Variants in EYS observed in about 807,000 individuals in gnomAD.
EYS encodes EGF-like photoreceptor maintenance factor, also known as protein eyes shut homolog.
EYS carries 250 observed loss-of-function variants against 282.1 expected under a neutral mutation model. The ratio of observed to expected loss-of-function variants is 0.89; its 90% confidence interval spans 0.80 to 0.98. The LOEUF is 0.98. Ranked by LOEUF, EYS falls within the 50% of genes least tolerant of loss-of-function variation. The probability of loss-of-function intolerance (pLI) is 0.00; values close to 1 mark genes in which losing one functional copy is unlikely to be tolerated. For synonymous variants in EYS, 1,355 were observed against 1,282.9 expected, an observed-to-expected ratio of 1.06 and a Z score of -1.20; for missense variants, 4,016 against 3,709.0, an observed-to-expected ratio of 1.08 and a Z score of -2.15.
rs201824481 is a variant in EYS at position 64,536,459 on chromosome 6, A to G, written c.5644+53764T>C. The stretch of plus-strand genomic sequence containing the variant: ...GGTACTCTCTATTACATGGTTTAAC[A>G]TTGAACCTCAACTTGAGTTGAGTCA... On this transcript the variant is annotated intron_variant, in intron 26 of 42. Coordinates refer to ENST00000503581, the MANE Select transcript of EYS (RefSeq NM_001142800.2). Among the ~76,000 whole-genome samples, 4 of 152,200 alleles carry G rather than the reference A, an allele frequency of 2.6e-5. No individual in the cohort carries two copies. The East Asian group carries it at 7.7e-4, about 29-fold the overall frequency.
At chr6:64,249,914 T>C (rs1451797705) in intron 30 of EYS, among the ~76,000 whole-genome samples, 11 of 152,140 alleles carry the variant, frequency 7.2e-5, no homozygotes, top group Admixed American at 7.2e-4. Flanking sequence ...CCAATAAAAG[T>C]CAGCCTCTCA....
intron 29 of EYS, among the ~76,000 whole-genome samples, chr6:64,339,363 C>A (rs182604378): frequency 6.6e-6 from 1 of 151,744 alleles, no homozygotes; most frequent in African/African-American, 2.4e-5. Flanking sequence ...AAATGGCCAA[C>A]AAACATGAAA....
At chr6:65,026,221 C>A (rs1772403502) in intron 13 of EYS, among the ~76,000 whole-genome samples, 1 of 151,954 alleles carries the variant, frequency 6.6e-6, no homozygotes, top group African/African-American at 2.4e-5. Context: ...ATAAATGAAA[C>A]AGGGTTATTA....
intron 13 of EYS, among the ~76,000 whole-genome samples, chr6:65,018,324 T>C (rs1772123317): frequency 6.6e-6 from 1 of 152,192 alleles, no homozygotes; most frequent in Admixed American, 6.5e-5. Context: ...ATGTCTCTCC[T>C]CTAGCTTCCT....
At chr6:63,781,955 A>G (rs1770240549) in intron 39 of EYS, among the ~76,000 whole-genome samples, 4 of 152,212 alleles carry the variant, frequency 2.6e-5, no homozygotes, top group Admixed American at 1.3e-4. Context: ...AGTTTTTATC[A>G]TGAAGAGCTG....
chr6:64,655,536 A>G (rs545518790), intron 22 of EYS, among the ~76,000 whole-genome samples: 1 of 152,124 alleles, frequency 6.6e-6, no homozygotes, highest in South Asian at 2.1e-4. Flanking sequence ...TTAGAAAAAA[A>G]GGGAAACAGA....
At chr6:63,997,969 A>G (rs1029537846) in intron 34 of EYS, among the ~76,000 whole-genome samples, 1 of 152,114 alleles carries the variant, frequency 6.6e-6, no homozygotes, top group Non-Finnish European at 1.5e-5. Flanking sequence ...TGAATATTCC[A>G]TGTCTTAAAT....
At chr6:63,778,495 A>G (rs762574642) in intron 39 of EYS, among the ~76,000 whole-genome samples, 12 of 152,178 alleles carry the variant, frequency 7.9e-5, no homozygotes, top group Non-Finnish European at 1.6e-4. Flanking sequence ...ATATTATACC[A>G]AAAAGTTGAA....
chr6:64,178,728 C>G (rs907345058), intron 31 of EYS, among the ~76,000 whole-genome samples: 1 of 151,898 alleles, frequency 6.6e-6, no homozygotes, highest in Non-Finnish European at 1.5e-5. Flanking sequence ...GCACTTTAAA[C>G]GCAGTGAAAT....
At chr6:64,548,888 T>G (rs909308593) in intron 26 of EYS, among the ~76,000 whole-genome samples, 5 of 152,082 alleles carry the variant, frequency 3.3e-5, no homozygotes, top group African/African-American at 1.2e-4. Context: ...CTGAGCTCCT[T>G]CCTCCCAACT....
chr6:64,307,990 A>G (rs1054221851), intron 29 of EYS, among the ~76,000 whole-genome samples: 1 of 152,076 alleles, frequency 6.6e-6, no homozygotes, highest in African/African-American at 2.4e-5. Context: ...TTACATAATT[A>G]CAGTAAATTA....
intron 22 of EYS, among the ~76,000 whole-genome samples, chr6:64,725,971 C>T (rs566258061): frequency 6.6e-6 from 1 of 152,184 alleles, no homozygotes; most frequent in East Asian, 1.9e-4. Flanking sequence ...GCAATGTAAA[C>T]AAAAGTGTTT....
chr6:65,192,293 C>CTGTGTGTGTGTGTG (rs58238401), intron 12 of EYS, among the ~76,000 whole-genome samples: 6,946 of 142,800 alleles, frequency 0.049, 203 homozygotes, highest in South Asian at 0.074. Flanking sequence ...TTTTTCTACT[C>CTGTGTGTGTGTGTG]TGTGTGTGTG....
intron 2 of EYS, among the ~76,000 whole-genome samples, chr6:65,546,140 T>C (rs1422777534): frequency 6.6e-6 from 1 of 150,984 alleles, no homozygotes; most frequent in African/African-American, 2.4e-5. Context: ...CACTTCAGTC[T>C]CTTGAGTAAC....
rs552901659 is a variant in EYS, at chr6:65,618,676, T to C, written c.-333+21102A>G. Among the ~76,000 whole-genome samples the C allele has an allele frequency of 2.6e-5, 4 of 152,360 alleles. No homozygotes were observed. In the South Asian group the frequency reaches 8.3e-4, roughly 32 times the overall value. ...TGCCTAGGTTTTCTTCTAGGGTTTT[T>C]ACGGTTTTAGGTCTAATGTATAAGT... On this transcript the variant is annotated intron_variant, in intron 2 of 42. Transcript: ENST00000503581.
chr6:64,969,824 C>T (rs761714100), intron 14 of EYS, among the ~76,000 whole-genome samples: 7 of 152,128 alleles, frequency 4.6e-5, no homozygotes, highest in Non-Finnish European at 8.8e-5. Flanking sequence ...AACAATTGTA[C>T]CAAATGTGAA....
chr6:63,731,746 G>A (rs1363045922), intron 41 of EYS, among the ~76,000 whole-genome samples: 1 of 152,110 alleles, frequency 6.6e-6, no homozygotes, highest in Non-Finnish European at 1.5e-5. Flanking sequence ...TAAGCAGATA[G>A]CTAATATTTT....
intron 12 of EYS, among the ~76,000 whole-genome samples, chr6:65,241,375 T>C (rs1052334961): frequency 6.6e-6 from 1 of 152,108 alleles, no homozygotes; most frequent in African/African-American, 2.4e-5. Context: ...CTGTGTTAAG[T>C]ATAGGCTTTT....
At position 65,280,227 on chromosome 6, in the gene EYS, C is replaced by A. The variant is rs9445502; in HGVS notation, c.2023+15636G>T. Among the ~76,000 whole-genome samples, 1,263 of 152,252 alleles carry A rather than the reference C, an allele frequency of 8.3e-3. 17 individuals carry two copies. The highest frequency in any genetic ancestry group is 0.029 in the African/African-American group (1,200 of 41,538). ...CTCTTCCAATCCACAAACAATGACT[C>A]ATTAGTCAACAGAACATCCCTTCAC... On this transcript the variant is annotated intron_variant, in intron 12 of 42. Transcript: ENST00000503581.
Sources: gnomAD v4.1 joint callset for allele counts (sites outside exome capture counted in the v4.1 genomes callset) on GRCh38, gnomAD v4.1.1 for gene constraint, MANE v1.5 for transcripts, NCBI Gene and HGNC (gene_info 2026-07-23, HGNC 2026-07-21) for gene names.